Variants in TNKS1BP1 observed in about 807,000 individuals in gnomAD.
TNKS1BP1 encodes the protein CCR4-NOT transcription complex subunit 12, also known as 182 kDa tankyrase-1-binding protein.
A neutral mutation model predicts 141.1 loss-of-function variants in TNKS1BP1; 48 were observed. The observed-to-expected ratio is 0.34, with a 90% confidence interval of 0.27 to 0.43. The LOEUF (loss-of-function observed/expected upper bound fraction) is 0.43. TNKS1BP1 is among the 20% of genes least tolerant of loss of function. TNKS1BP1 has a pLI of 1.00. For missense variants in TNKS1BP1, 2,149 were observed against 2,226.0 expected (o/e 0.97, Z 0.70); for synonymous variants, 875 against 898.2 (o/e 0.97, Z 0.46).
chr11:57,321,041 GAACA>G (rs1179288414), intron 2 of TNKS1BP1, among the ~76,000 whole-genome samples: 1 of 152,146 alleles, frequency 6.6e-6, no homozygotes, highest in East Asian at 1.9e-4. Flanking sequence ...AAGAATGAAT[GAACA>G]AATGAGCCAA....
At chr11:57,312,070 A>C (rs557542496) in intron 5 of TNKS1BP1, among the ~76,000 whole-genome samples, 1 of 152,208 alleles carries the variant, frequency 6.6e-6, no homozygotes, top group Non-Finnish European at 1.5e-5. Context: ...TTTTAAGGTC[A>C]CACCTGGGCA....
intron 2 of TNKS1BP1, among the ~76,000 whole-genome samples, chr11:57,321,308 G>A (rs1855881638): frequency 6.6e-6 from 1 of 151,626 alleles, no homozygotes; most frequent in African/African-American, 2.4e-5. Context: ...AAGTAAATCT[G>A]CTATGGGAAG....
intron 2 of TNKS1BP1, 66 bp from the exon 3 acceptor site, chr11:57,320,778 C>T: frequency 6.8e-7 from 1 of 1,466,056 alleles, no homozygotes; most frequent in Non-Finnish European, 9.0e-7. Context: ...TTCTTTGTTT[C>T]CTGTTCCACC....
intron 1 of TNKS1BP1, among the ~76,000 whole-genome samples, chr11:57,323,582 C>A (rs1453999348): frequency 6.6e-6 from 1 of 152,136 alleles, no homozygotes; most frequent in Non-Finnish European, 1.5e-5. Flanking sequence ...CTAACGCTGA[C>A]CCTGCCCCAG....
At chr11:57,319,824 ACT>A (rs999422737) in intron 3 of TNKS1BP1, among the ~76,000 whole-genome samples, 6 of 152,028 alleles carry the variant, frequency 3.9e-5, no homozygotes, top group African/African-American at 2.4e-5. Context: ...GTACATTTGA[ACT>A]CTCTAACATA....
At chr11:57,324,089 G>A (rs1001766022) in intron 1 of TNKS1BP1, among the ~76,000 whole-genome samples, 1 of 152,208 alleles carries the variant, frequency 6.6e-6, no homozygotes, top group Non-Finnish European at 1.5e-5. Context: ...GGGTAGAAAC[G>A]AGCTGACCCC....
At position 57,310,282 on chromosome 11, in the gene TNKS1BP1, C is replaced by G. The variant is rs1182774104; in HGVS notation, c.2429G>C (p.Ser810Thr). 6.2e-7 allele frequency: 1 copy of G among 1,613,956 alleles called. No individual in the cohort carries two copies. The highest frequency in any genetic ancestry group is 8.5e-7 in the Non-Finnish European group (1 of 1,180,038). ...GAGCACCCCTGGGGCAGACACTTTA[C>G]TCTGGTCTTGGCTGCTGCTGGCCTC... ...EMEASSSQDQ[S>T]KVSAPGVLTA... Residue 810 changes from serine to threonine, a missense_variant, in exon 6 of 12, where the codon AGT becomes ACT. Physicochemically the swap from Ser to Thr is moderately conservative, Grantham distance 58. Coordinates refer to ENST00000358252, the MANE Select transcript of TNKS1BP1 (RefSeq NM_033396.3).
chr11:57,321,690 A>G (rs1855888189), intron 2 of TNKS1BP1, 102 bp downstream of exon 2: 3 of 1,372,730 alleles, frequency 2.2e-6, no homozygotes, highest in Non-Finnish European at 3.0e-6. Flanking sequence ...CTATCTCAAC[A>G]GAATCATCAC....
rs778587384 is a variant in TNKS1BP1, at chr11:57,310,243, C to T, written c.2468G>A (p.Arg823Gln). The T allele has an allele frequency of 2.5e-5, 40 of 1,614,050 alleles. No homozygotes were observed. The highest frequency in any genetic ancestry group is 6.6e-5 in the South Asian group (6 of 91,088). Reference sequence around the variant, plus strand: ...AAGCTGGGCTGGCTTTCCAACTACCCGGTCCTGGGCTGTGAGCACCCCTGG... The same window carrying T: ...AAGCTGGGCTGGCTTTCCAACTACCTGGTCCTGGGCTGTGAGCACCCCTGG... The part of the protein sequence containing the change: ...SAPGVLTAQD[R>Q]VVGKPAQLGT... The change falls in exon 6 of 12, where the codon CGG (arginine) becomes CAG (glutamine). Residue 823 changes from arginine to glutamine, a missense_variant. Transcript: ENST00000358252.
At position 57,302,674 on chromosome 11, in the gene TNKS1BP1, C is replaced by T. The variant is rs1301179374; in HGVS notation, c.4468G>A (p.Gly1490Ser). 1 of 1,607,850 alleles carries T rather than the reference C, an allele frequency of 6.2e-7. No homozygotes were observed. The highest frequency in any genetic ancestry group is 8.5e-7 in the Non-Finnish European group (1 of 1,178,444). The change falls in exon 7 of 12, where the codon GGT becomes AGT. Residue 1490 changes from glycine to serine, a missense_variant. By Grantham distance (56) the Gly-to-Ser change is moderately conservative. Coordinates refer to ENST00000358252, the MANE Select transcript of TNKS1BP1 (RefSeq NM_033396.3). This position sits in a 1 kb window ranked among gnomAD's most constrained non-coding sequence, Gnocchi z 5.5. Reference sequence around the variant, plus strand: ...TCCAGCACCTCCTCTTGGGCAGCACCTGCCCCGGCTCCTTCCTCCTCCAAC... The same window carrying T: ...TCCAGCACCTCCTCTTGGGCAGCACTTGCCCCGGCTCCTTCCTCCTCCAAC... Reference protein sequence around the residue: ...GLLEEEGAGAGAAQEEVLEPG... With the variant: ...GLLEEEGAGASAAQEEVLEPG...
At chr11:57,311,223 C>A in intron 5 of TNKS1BP1, 1 of 984,080 alleles carries the variant, frequency 1.0e-6, no homozygotes. Context: ...CCCCACCTCA[C>A]GCTCCCTGAC....
In TNKS1BP1 at chr11:57,311,411, G is replaced by A. The variant is rs533649316; in HGVS notation, c.2155-855C>T. 42 of 985,680 alleles carry A rather than the reference G, an allele frequency of 4.3e-5. No homozygotes were observed. The South Asian group carries it at 9.4e-4, about 22-fold the overall frequency. The allele number at this position is 985,680 out of a possible 1,614,324, so 61.1% of individuals were successfully genotyped here. A position where few individuals can be genotyped will look rare whatever the true frequency, so the allele number is the denominator to read the frequency against. ...TTGGGGCTGCTGGGTGCGGCCAGCC[G>A]GGCGCAGGGATAGAGCTGGGCTGCT... On this transcript the variant is annotated intron_variant, in intron 5 of 11. Coordinates refer to ENST00000358252, the MANE Select transcript of TNKS1BP1 (RefSeq NM_033396.3).
Position 57,302,419 on chromosome 11 carries a change from C to T in TNKS1BP1, c.4683+40G>A, listed in dbSNP as rs1340250449. The T allele has an allele frequency of 1.5e-5, 24 of 1,556,784 alleles. No homozygotes were observed. Among genetic ancestry groups the T allele is most frequent in the Non-Finnish European group, 2.0e-5 (23 of 1,146,504 alleles). Reference sequence around the variant, plus strand: ...CAGGAATGGGGCTCTCGCTGCATCGCCCTCACCCACCCACTGTCATGGGCT... The same window carrying T: ...CAGGAATGGGGCTCTCGCTGCATCGTCCTCACCCACCCACTGTCATGGGCT... On this transcript the variant is annotated intron_variant, in intron 7 of 11. Transcript: ENST00000358252. The surrounding 1 kb of genome is among the most constrained non-coding windows in gnomAD (Gnocchi z 5.5).
intron 6 of TNKS1BP1, among the ~76,000 whole-genome samples, chr11:57,306,589 G>A (rs1479817561): frequency 2.6e-5 from 4 of 152,078 alleles, no homozygotes; most frequent in Admixed American, 6.5e-5. Context: ...GTTTTCGTTC[G>A]GCTTTTTGAG....
rs775021714 is a variant in TNKS1BP1 at position 57,321,905 on chromosome 11, T to G, written c.-20A>C. 1.2e-6 allele frequency: 2 copies of G among 1,613,404 alleles called. No homozygotes were observed. The highest frequency in any genetic ancestry group is 2.7e-5 in the African/African-American group (2 of 74,822). On this transcript the variant is annotated 5_prime_UTR_variant, in exon 2 of 12. Coordinates refer to ENST00000358252, the MANE Select transcript of TNKS1BP1 (RefSeq NM_033396.3). ...TTTCATCACATGCGGCAGACCCTCC[T>G]TGAGAGCGGGGAGGCAGAGAGGTAT...
At chr11:57,304,530 G>T (rs544958485) in intron 6 of TNKS1BP1, among the ~76,000 whole-genome samples, 141 of 152,312 alleles carry the variant, frequency 9.3e-4, no homozygotes, top group African/African-American at 3.2e-3. Flanking sequence ...CAGGCCCAAA[G>T]CCTCTCCCTG....
At chr11:57,319,038 G>C (rs1391040615) in intron 3 of TNKS1BP1, among the ~76,000 whole-genome samples, 1 of 151,808 alleles carries the variant, frequency 6.6e-6, no homozygotes, top group Non-Finnish European at 1.5e-5. Flanking sequence ...CCAGCTACTC[G>C]GGAGGCTGAG....
Position 57,302,166 on chromosome 11 carries a change from C to A in TNKS1BP1, c.4742G>T (p.Arg1581Leu), listed in dbSNP as rs747589966. The change falls in exon 8 of 12, where the codon CGT (arginine) becomes CTT (leucine). Residue 1581 changes from arginine to leucine, a missense_variant. Coordinates refer to ENST00000358252, the MANE Select transcript of TNKS1BP1 (RefSeq NM_033396.3). This position sits in a 1 kb window ranked among gnomAD's most constrained non-coding sequence, Gnocchi z 5.5. ...CCGAATGACCGGGGCCCGGTGCCCA[C>A]GCTTGCGCCCCAAGTTGGCACGGCT... is the stretch of plus-strand genomic sequence containing the variant. Reference protein sequence around the residue: ...YRSRANLGRKRGHRAPVIRPG... With the variant: ...YRSRANLGRKLGHRAPVIRPG... The A allele has an allele frequency of 1.9e-6, 3 of 1,613,502 alleles. No individual in the cohort carries two copies. Among genetic ancestry groups the A allele is most frequent in the Non-Finnish European group, 2.5e-6 (3 of 1,179,990 alleles).
In TNKS1BP1 at chr11:57,313,463, C is replaced by T. The variant is rs1023647611; in HGVS notation, c.1225G>A (p.Glu409Lys). The T allele has an allele frequency of 1.0e-5, 16 of 1,593,116 alleles. No individual in the cohort carries two copies. Among genetic ancestry groups the T allele is most frequent in the Middle Eastern group, 1.7e-4 (1 of 5,988 alleles). ...TGTGCGTCACCCTTGGCCTCCTCCTCCCCGCCAGATGGAAACGTCCGAGTG... is the reference window on the plus strand; with the variant it reads ...TGTGCGTCACCCTTGGCCTCCTCCTTCCCGCCAGATGGAAACGTCCGAGTG... ...DLTRTFPSGG[E>K]EEAKGDAHLR... The change falls in exon 5 of 12, where the codon GAG (glutamate) becomes AAG (lysine). Residue 409 changes from glutamate to lysine, a missense_variant. Glu to Lys is a moderately conservative substitution (Grantham distance 56). Transcript: ENST00000358252.
Sources: allele counts gnomAD v4.1 joint callset (sites outside exome capture counted in the v4.1 genomes callset), GRCh38; gene constraint gnomAD v4.1.1; non-coding constraint Gnocchi (gnomAD v3.1); transcripts MANE v1.5; gene names NCBI Gene and HGNC (gene_info 2026-07-23, HGNC 2026-07-21).